Variants in ERBB4 observed in about 807,000 individuals in gnomAD.
The protein encoded by ERBB4 is erb-b2 receptor tyrosine kinase 4.
A neutral mutation model predicts 158.0 loss-of-function variants in ERBB4; 42 were observed. That is an observed-to-expected ratio of 0.27 (90% confidence interval 0.21 to 0.34). The LOEUF is 0.34. Among genes scored for constraint, ERBB4 ranks in the 10% least tolerant of loss-of-function variants. The pLI is 1.00. For synonymous variants in ERBB4, 583 were observed against 558.7 expected (o/e 1.04, Z -0.61); for missense variants, 1,333 against 1,624.1 (o/e 0.82, Z 3.08).
intron 1 of ERBB4, among the ~76,000 whole-genome samples, chr2:212,371,369 G>A (rs1296988849): frequency 7.2e-5 from 11 of 152,244 alleles, no homozygotes; most frequent in Middle Eastern, 3.4e-3. Flanking sequence ...TCTGCTCTAC[G>A]CAATTCAGTT....
intron 1 of ERBB4, among the ~76,000 whole-genome samples, chr2:212,148,089 CTATTT>C (rs1438934630): frequency 6.7e-6 from 1 of 150,170 alleles, no homozygotes; most frequent in East Asian, 1.9e-4. Context: ...TTTAAAGGTT[CTATTT>C]TATTATTCCA....
intron 2 of ERBB4, among the ~76,000 whole-genome samples, chr2:212,123,942 TATTA>T: frequency 6.6e-6 from 1 of 152,330 alleles, no homozygotes; most frequent in Admixed American, 6.5e-5. Context: ...CTAGGGAAGC[TATTA>T]TTTAAAATGT....
chr2:212,191,666 CAT>C lies in ERBB4; in HGVS notation c.83-66765_83-66764del, dbSNP rs2082218302. ...TATATAACACATGCGTTATACATGT[CAT>C]ATATCGCGTGTGTTATACATGTTAC... On this transcript the variant is annotated intron_variant, in intron 1 of 27. Coordinates refer to ENST00000342788, the MANE Select transcript of ERBB4 (RefSeq NM_005235.3). 2.2e-5 allele frequency among the ~76,000 whole-genome samples: 3 copies of C among 133,866 alleles called. 1 individual carries two copies. The highest frequency in any genetic ancestry group is 2.3e-4 in the South Asian group (1 of 4,324). The allele number at this position is 133,866 out of a possible 152,430, so 87.8% of individuals were successfully genotyped here.
At position 211,624,058 on chromosome 2, in the gene ERBB4, A is replaced by G. The variant is rs202033684; in HGVS notation, c.2080-14T>C. 2 of 1,613,978 alleles carry G rather than the reference A, an allele frequency of 1.2e-6. No homozygotes were observed. Among genetic ancestry groups the G allele is most frequent in the East Asian group, 2.2e-5 (1 of 44,856 alleles). On this transcript the variant is annotated splice_polypyrimidine_tract_variant and intron_variant, in intron 17 of 27. Transcript: ENST00000342788. ...TGGTTCCACCAACTGCAAAGCGGAA[A>G]GAAGAAGGTTATACTTTCAGTCCGA...
At chr2:211,961,495 T>C (rs886392622) in intron 2 of ERBB4, among the ~76,000 whole-genome samples, 4 of 152,182 alleles carry the variant, frequency 2.6e-5, no homozygotes, top group African/African-American at 9.6e-5. Context: ...TCATGCTGAC[T>C]GCTGTGCCAT....
chr2:211,895,303 C>T lies in ERBB4; in HGVS notation c.421+52127G>A, dbSNP rs570109435. Among the ~76,000 whole-genome samples, 127 of 152,200 alleles carry T rather than the reference C, an allele frequency of 8.3e-4. 1 individual carries two copies. Among genetic ancestry groups the T allele is most frequent in the African/African-American group, 2.9e-3 (120 of 41,528 alleles). On this transcript the variant is annotated intron_variant, in intron 3 of 27. Transcript: ENST00000342788. ...ACAGGGTCTCTCTCCGTCACCCAGG[C>T]GGGAGAGCCAGTGGTACAATCATGG...
intron 3 of ERBB4, among the ~76,000 whole-genome samples, chr2:211,902,684 G>C (rs753411114): frequency 1.5e-4 from 23 of 151,500 alleles, no homozygotes; most frequent in African/African-American, 5.1e-4. Context: ...TCTCAAAATT[G>C]AGTAATTTTC....
intron 3 of ERBB4, among the ~76,000 whole-genome samples, chr2:211,810,832 C>G (rs1266135080): frequency 6.6e-6 from 1 of 151,768 alleles, no homozygotes; most frequent in Admixed American, 6.6e-5. Context: ...GCCACCGCGC[C>G]CGGCTAATTT....
At chr2:211,745,821 T>C (rs1473245117) in intron 5 of ERBB4, among the ~76,000 whole-genome samples, 1 of 151,998 alleles carries the variant, frequency 6.6e-6, no homozygotes, top group Admixed American at 6.6e-5. Flanking sequence ...TTTCCCATGA[T>C]AGAAACTGGA....
intron 22 of ERBB4, among the ~76,000 whole-genome samples, chr2:211,424,507 G>A (rs1246562301): frequency 2.0e-5 from 3 of 151,382 alleles, no homozygotes; most frequent in African/African-American, 7.3e-5. Context: ...TCTTATTATT[G>A]TCTTGGAATT....
intron 17 of ERBB4, among the ~76,000 whole-genome samples, chr2:211,629,885 CA>C (rs2070035104): frequency 6.6e-6 from 1 of 152,174 alleles, no homozygotes; most frequent in African/African-American, 2.4e-5. Context: ...ACACCTTATA[CA>C]AAAATTAATT....
intron 19 of ERBB4, among the ~76,000 whole-genome samples, chr2:211,588,251 A>G (rs2068347892): frequency 6.6e-6 from 1 of 152,194 alleles, no homozygotes; most frequent in Non-Finnish European, 1.5e-5. Flanking sequence ...TGTTTGGGCA[A>G]GCATTGAGTA....
intron 2 of ERBB4, among the ~76,000 whole-genome samples, chr2:211,993,723 G>A (rs1428844940): frequency 1.3e-5 from 2 of 150,822 alleles, no homozygotes; most frequent in East Asian, 3.9e-4. Context: ...ATTACAGGCA[G>A]AATTATACTG....
At chr2:211,985,525 C>A (rs1015470259) in intron 2 of ERBB4, among the ~76,000 whole-genome samples, 1 of 151,858 alleles carries the variant, frequency 6.6e-6, no homozygotes, top group Non-Finnish European at 1.5e-5. Flanking sequence ...TCATAAGTGG[C>A]AAATACAGAA....
chr2:212,530,676 G>C (rs1187199148), intron 1 of ERBB4, among the ~76,000 whole-genome samples: 6 of 152,116 alleles, frequency 3.9e-5, no homozygotes, highest in Non-Finnish European at 8.8e-5. Context: ...CAGCAGAGGA[G>C]AGAAAACAAG....
At chr2:212,037,910 G>A (rs1442603914) in intron 2 of ERBB4, among the ~76,000 whole-genome samples, 1 of 152,098 alleles carries the variant, frequency 6.6e-6, no homozygotes, top group African/African-American at 2.4e-5. Flanking sequence ...TCTTCAAAGG[G>A]CACTACAACA....
At chr2:212,136,190 TATG>T (rs1460841581) in intron 1 of ERBB4, among the ~76,000 whole-genome samples, 2 of 152,228 alleles carry the variant, frequency 1.3e-5, no homozygotes, top group Non-Finnish European at 2.9e-5. Flanking sequence ...ATGTTCCTAA[TATG>T]ATACTATACT....
At chr2:212,434,416 T>C (rs2105952265) in intron 1 of ERBB4, among the ~76,000 whole-genome samples, 1 of 152,060 alleles carries the variant, frequency 6.6e-6, no homozygotes, top group Non-Finnish European at 1.5e-5. Flanking sequence ...GTAAAATTGC[T>C]AGAATTCCTA....
intron 1 of ERBB4, among the ~76,000 whole-genome samples, chr2:212,244,875 G>A (rs970873504): frequency 6.6e-6 from 1 of 151,914 alleles, no homozygotes; most frequent in Non-Finnish European, 1.5e-5. Context: ...CACTTACCAC[G>A]TGCCAGACAC....
Sources: allele counts gnomAD v4.1 joint callset (sites outside exome capture counted in the v4.1 genomes callset), GRCh38; gene constraint gnomAD v4.1.1; transcripts MANE v1.5; gene names NCBI Gene and HGNC (gene_info 2026-07-23, HGNC 2026-07-21).